Variants in FLVCR1 observed in about 807,000 individuals in gnomAD.
The protein encoded by FLVCR1 is FLVCR choline and heme transporter 1.
A neutral mutation model predicts 53.6 loss-of-function variants in FLVCR1; 34 were observed. The observed-to-expected ratio is 0.63, with a 90% CI of 0.48 to 0.84. The LOEUF (loss-of-function observed/expected upper bound fraction) is 0.84. Among genes scored for constraint, FLVCR1 ranks in the 40% least tolerant of loss-of-function variants. The pLI, the probability that FLVCR1 is intolerant of heterozygous loss-of-function variation, is 0.00. For missense variants in FLVCR1, 677 were observed against 696.7 expected (o/e 0.97, Z 0.32); for synonymous variants, 300 against 286.3 (o/e 1.05, Z -0.48).
At chr1:212,885,554 T>TTTTTTTC (rs1558119101) in intron 5 of FLVCR1, 158 bp downstream of exon 5, 3 of 431,594 alleles carry the variant, frequency 7.0e-6, no homozygotes, top group East Asian at 9.0e-5. Flanking sequence ...GTGTTTCTTT[T>TTTTTTTC]TTTTTTTTTT....
chr1:212,861,646 C>T (rs905217168), intron 1 of FLVCR1, among the ~76,000 whole-genome samples: 1 of 151,934 alleles, frequency 6.6e-6, no homozygotes, highest in African/African-American at 2.4e-5. Flanking sequence ...TTCTTTCTAT[C>T]TAGCTTTTTG....
rs934193989 is a variant in FLVCR1 at position 212,889,251 on chromosome 1, T to C, written c.1519T>C (p.Leu507=). 1.2e-6 allele frequency: 2 copies of C among 1,603,672 alleles called. No individual in the cohort carries two copies. The highest frequency in any genetic ancestry group is 1.7e-5 in the Admixed American group (1 of 59,990). The change falls in exon 8 of 10, where the codon TTA becomes CTA. Residue 507 remains leucine, a synonymous_variant. Coordinates refer to ENST00000366971, the MANE Select transcript of FLVCR1 (RefSeq NM_014053.4). ...TGTCTGGATGTTTATAGGCATCATATTAACAGGTAAATTAGGGCGTTTGCC... is the reference window on the plus strand; with the variant it reads ...TGTCTGGATGTTTATAGGCATCATACTAACAGGTAAATTAGGGCGTTTGCC... ...LCVWMFIGII[L]TALIKSDLRR...
At chr1:212,861,810 C>T (rs1664249111) in intron 1 of FLVCR1, among the ~76,000 whole-genome samples, 1 of 152,076 alleles carries the variant, frequency 6.6e-6, no homozygotes, top group South Asian at 2.1e-4. Context: ...GCTGGGACTA[C>T]AGGCACCCGC....
chr1:212,868,490 C>T lies in FLVCR1; in HGVS notation c.884-4188C>T, dbSNP rs559135095. Among the ~76,000 whole-genome samples the T allele has an allele frequency of 1.1e-4, 17 of 152,234 alleles. 1 individual carries two copies. The highest frequency in any genetic ancestry group is 3.6e-4 in the African/African-American group (15 of 41,548). ...GTGCAGTGACGCGATCTCCGCTCAC[C>T]GCAACCTCTGCCTCCCGGATTCAAG... is the stretch of plus-strand genomic sequence containing the variant. On this transcript the variant is annotated intron_variant, in intron 2 of 9. Transcript: ENST00000366971.
At chr1:212,884,088 A>G (rs1343831836) in intron 4 of FLVCR1, among the ~76,000 whole-genome samples, 1 of 152,106 alleles carries the variant, frequency 6.6e-6, no homozygotes, top group Non-Finnish European at 1.5e-5. Context: ...CGGGTGGATC[A>G]CCTGAGGTCG....
At chr1:212,860,106 A>G (rs12118361) in intron 1 of FLVCR1, among the ~76,000 whole-genome samples, 70,349 of 151,898 alleles carry the variant, frequency 0.46, 17,535 homozygotes, top group Non-Finnish European at 0.56. Flanking sequence ...AACATGGCAA[A>G]ACCAAATACA....
chr1:212,858,534 G>A lies in FLVCR1; in HGVS notation c.82G>A (p.Gly28Ser), dbSNP rs746296931. The A allele has an allele frequency of 2.5e-5, 37 of 1,462,542 alleles. No homozygotes were observed. The highest frequency in any genetic ancestry group is 3.3e-5 in the Non-Finnish European group (37 of 1,109,338). The allele number at this position is 1,462,542 out of a possible 1,614,324, so 90.6% of individuals were successfully genotyped here. The part of the protein sequence containing the change: ...LAKGYLPLPR[G>S]APVGKESVEL... ...GAAAGGATACCTCCCGTTGCCGAGG[G>A]GCGCGCCCGTTGGGAAGGAGAGCGT... The change falls in exon 1 of 10, where the codon GGC (glycine) becomes AGC (serine). Residue 28 changes from glycine to serine, a missense_variant. Gly to Ser is a moderately conservative substitution (Grantham distance 56, BLOSUM62 0). Transcript: ENST00000366971.
At chr1:212,886,860 A>G (rs146000693) in intron 5 of FLVCR1, among the ~76,000 whole-genome samples, 29 of 152,282 alleles carry the variant, frequency 1.9e-4, no homozygotes, top group Non-Finnish European at 2.9e-4. Context: ...AACCACCAAA[A>G]GGCTAATACC....
At chr1:212,866,473 CCT>C (rs905943630) in intron 2 of FLVCR1, among the ~76,000 whole-genome samples, 1 of 84,598 alleles carries the variant, frequency 1.2e-5, no homozygotes, top group African/African-American at 3.1e-5. Flanking sequence ...TTCTGATTTT[CCT>C]TTTTTTTTTT....
chr1:212,869,545 C>A (rs1664538219), intron 2 of FLVCR1, among the ~76,000 whole-genome samples: 1 of 152,098 alleles, frequency 6.6e-6, no homozygotes, highest in South Asian at 2.1e-4. Flanking sequence ...GAAGTATTTT[C>A]TTTTCTTTTC....
intron 3 of FLVCR1, among the ~76,000 whole-genome samples, chr1:212,879,360 C>T (rs1353138966): frequency 6.6e-6 from 1 of 152,066 alleles, no homozygotes; most frequent in East Asian, 1.9e-4. Context: ...TCACAGCATA[C>T]CTTTTAGACA....
chr1:212,894,306 G>C (rs148803018), intron 8 of FLVCR1, among the ~76,000 whole-genome samples: 1 of 151,882 alleles, frequency 6.6e-6, no homozygotes, highest in Non-Finnish European at 1.5e-5. Context: ...GGTGCGTGCC[G>C]CCACGCCTGG....
intron 5 of FLVCR1, among the ~76,000 whole-genome samples, chr1:212,886,774 C>T (rs1665076181): frequency 6.6e-6 from 1 of 151,878 alleles, no homozygotes; most frequent in Non-Finnish European, 1.5e-5. Context: ...TGGTCTCCAG[C>T]CTGGGTGACA....
At chr1:212,880,360 G>A (rs1390136887) in intron 3 of FLVCR1, among the ~76,000 whole-genome samples, 1 of 152,216 alleles carries the variant, frequency 6.6e-6, no homozygotes, top group Non-Finnish European at 1.5e-5. Flanking sequence ...GAAGAACATG[G>A]TGAGGGACTC....
At position 212,895,267 on chromosome 1, in the gene FLVCR1, A is replaced by G. The variant is rs899054275; in HGVS notation, c.1645A>G (p.Lys549Glu). The G allele has an allele frequency of 6.2e-7, 1 of 1,613,342 alleles. No individual in the cohort carries two copies. The highest frequency in any genetic ancestry group is 1.3e-5 in the African/African-American group (1 of 74,904). ...AGAACCAAAAACGGTTATGTTGTCC[A>G]AGCAGTCAGAATCAGCAATTTGAAG... ...DQEPKTVMLS[K>E]QSESAI The change falls in exon 10 of 10, where the codon AAG becomes GAG. Residue 549 changes from lysine to glutamate, a missense_variant. Transcript: ENST00000366971.
rs752305026 is a variant in FLVCR1, at chr1:212,883,353, CTTTA to C, written c.1025-11_1025-8del. On this transcript the variant is annotated splice_polypyrimidine_tract_variant and intron_variant, in intron 3 of 9. Coordinates refer to ENST00000366971, the MANE Select transcript of FLVCR1 (RefSeq NM_014053.4). ...TGTAGGTATCATGACTTAATATCAT[CTTTA>C]TTTATTATTGTAGGTATCATGACTG... is the stretch of plus-strand genomic sequence containing the variant. 30 of 1,370,888 alleles carry C rather than the reference CTTTA, an allele frequency of 2.2e-5. No homozygotes were observed. The highest frequency in any genetic ancestry group is 4.3e-5 in the African/African-American group (3 of 70,298). 84.9% of individuals were successfully genotyped at this position (1,370,888 alleles called of 1,614,324 possible).
At chr1:212,872,631 T>C in intron 2 of FLVCR1, 47 bp from the exon 3 acceptor site, 3 of 1,178,728 alleles carry the variant, frequency 2.5e-6, no homozygotes, top group Non-Finnish European at 3.7e-6. Flanking sequence ...TAACAACATA[T>C]TGTATATATA....
At chr1:212,867,427 T>C (rs1006495697) in intron 2 of FLVCR1, among the ~76,000 whole-genome samples, 6 of 152,228 alleles carry the variant, frequency 3.9e-5, no homozygotes, top group African/African-American at 1.4e-4. Flanking sequence ...TCCCATTTTA[T>C]AGACAAGGAA....
chr1:212,860,199 T>C (rs891110041), intron 1 of FLVCR1, among the ~76,000 whole-genome samples: 9 of 152,284 alleles, frequency 5.9e-5, no homozygotes, highest in Non-Finnish European at 1.3e-4. Context: ...TACATGCTTA[T>C]TGCTTTATAG....
Sources: allele counts gnomAD v4.1 joint callset (sites outside exome capture counted in the v4.1 genomes callset), GRCh38; gene constraint gnomAD v4.1.1; transcripts MANE v1.5; gene names NCBI Gene and HGNC (gene_info 2026-07-23, HGNC 2026-07-21).